Variants in TBX10 observed in about 807,000 individuals in gnomAD.
TBX10 encodes the protein T-box transcription factor TBX10.
Under a neutral mutation model 32.4 loss-of-function variants are expected in TBX10, and 26 were observed. The ratio of observed to expected loss-of-function variants is 0.80; its 90% confidence interval spans 0.59 to 1.11. The LOEUF (loss-of-function observed/expected upper bound fraction) is 1.11. TBX10 is among the 50% of genes most tolerant of loss of function. The pLI, the probability that TBX10 is intolerant of heterozygous loss-of-function variation, is 0.00. For synonymous variants in TBX10, 195 were observed against 203.1 expected, an observed-to-expected ratio of 0.96 and a Z score of 0.34; for missense variants, 490 against 494.5, an observed-to-expected ratio of 0.99 and a Z score of 0.09.
Position 67,631,907 on chromosome 11 carries a change from A to C in TBX10, c.869-13T>G, listed in dbSNP as rs1855242109. ...GCTTTGTTGGGGTCTGAGGGAGGAA[A>C]TGAGTGGACTCTGGGCCTCCCATCG... On this transcript the variant is annotated splice_polypyrimidine_tract_variant and intron_variant, in intron 7 of 7. Coordinates refer to ENST00000335385, the MANE Select transcript of TBX10 (RefSeq NM_005995.5). 6.4e-7 allele frequency: 1 copy of C among 1,561,788 alleles called. No homozygotes were observed. Among genetic ancestry groups the C allele is most frequent in the Non-Finnish European group, 8.7e-7 (1 of 1,151,812 alleles).
chr11:67,631,777 C>T lies in TBX10; in HGVS notation c.986G>A (p.Ser329Asn), dbSNP rs747494980. Residue 329 changes from serine to asparagine, a missense_variant, in exon 8 of 8, where the codon AGC becomes AAC. By Grantham distance (46) the Ser-to-Asn change is conservative (BLOSUM62 1). Coordinates refer to ENST00000335385, the MANE Select transcript of TBX10 (RefSeq NM_005995.5). ...GTGGCTCGGGGCTCCAGAGTACAGG[C>T]TCTGATACGTGACAGGCCTGTAGGT... Reference protein sequence around the residue: ...PATYRPVTYQSLYSGAPSHLG... With the variant: ...PATYRPVTYQNLYSGAPSHLG... 7.5e-6 allele frequency: 12 copies of T among 1,602,908 alleles called. No homozygotes were observed. Among genetic ancestry groups the T allele is most frequent in the Non-Finnish European group, 1.7e-6 (2 of 1,175,322 alleles).
intron 4 of TBX10, among the ~76,000 whole-genome samples, chr11:67,633,860 G>A (rs761773798): frequency 4.6e-5 from 7 of 152,326 alleles, no homozygotes; most frequent in African/African-American, 7.2e-5. Flanking sequence ...GGCAGGGATC[G>A]TTGGCTGTTT....
Position 67,633,017 on chromosome 11 carries a change from C to T in TBX10, c.636G>A (p.Gln212=), listed in dbSNP as rs1855261842. 1.2e-6 allele frequency: 2 copies of T among 1,614,204 alleles called. No homozygotes were observed. Among genetic ancestry groups the T allele is most frequent in the South Asian group, 2.2e-5 (2 of 91,092 alleles). ...TGAAGATGAAGGACTTGAAGTTCTC[C>T]TGGGCATAGCGCTCACTGTCCTTGC... ...DPRKDSERYA[Q]ENFKSFIFTE... The change falls in exon 5 of 8, where the codon CAG becomes CAA. Residue 212 remains glutamine, a synonymous_variant. Transcript: ENST00000335385.
chr11:67,640,885 T>A (rs1855395059), upstream of TBX10, among the ~76,000 whole-genome samples: 1 of 152,096 alleles, frequency 6.6e-6, no homozygotes, highest in African/African-American at 2.4e-5. Flanking sequence ...CATCTCAGCC[T>A]GCAGAGCTGG....
At chr11:67,636,521 AT>A (rs900182567) in intron 1 of TBX10, among the ~76,000 whole-genome samples, 1 of 67,354 alleles carries the variant, frequency 1.5e-5, no homozygotes, top group African/African-American at 3.1e-5. Flanking sequence ...TTATTTATTT[AT>A]TTTTTTCCAG....
chr11:67,633,058 C>G lies in TBX10; in HGVS notation c.595G>C (p.Val199Leu). 1 of 1,614,138 alleles carries G rather than the reference C, an allele frequency of 6.2e-7. No homozygotes were observed. Among genetic ancestry groups the G allele is most frequent in the Non-Finnish European group, 8.5e-7 (1 of 1,179,972 alleles). ...MHRYQPRFHV[V>L]FVDPRKDSER... ...CTGTCCTTGCGTGGGTCCACGAAGACCACGTGGAAACGGGGCTGGTAGCGG... is the reference window on the plus strand; with the variant it reads ...CTGTCCTTGCGTGGGTCCACGAAGAGCACGTGGAAACGGGGCTGGTAGCGG... The change falls in exon 5 of 8, where the codon GTC (valine) becomes CTC (leucine). Residue 199 changes from valine (V) to leucine (L), a missense_variant. Around this residue, in one of 3 missense-constraint regions of TBX10, gnomAD observed 307 missense variants for 294.9 expected, o/e 1.04. Coordinates refer to ENST00000335385, the MANE Select transcript of TBX10 (RefSeq NM_005995.5).
At chr11:67,639,327 C>T (rs1174111654) in intron 1 of TBX10, 139 bp downstream of exon 1, 12 of 1,272,036 alleles carry the variant, frequency 9.4e-6, no homozygotes, top group Non-Finnish European at 1.2e-5. Flanking sequence ...GATCTCAGAC[C>T]TTAGCCTGGG....
intron 4 of TBX10, among the ~76,000 whole-genome samples, chr11:67,633,978 C>T: frequency 6.6e-6 from 1 of 152,166 alleles, no homozygotes; most frequent in East Asian, 1.9e-4. Context: ...TATGCTGGAA[C>T]ATTCCCCCGC....
At position 67,631,332 on chromosome 11, in the gene TBX10, A is replaced by C; in HGVS notation, c.*273T>G. On this transcript the variant is annotated 3_prime_UTR_variant, in exon 8 of 8. Coordinates refer to ENST00000335385, the MANE Select transcript of TBX10 (RefSeq NM_005995.5). ...GCCAAATAGTTTAATGTTAGGGGGA[A>C]GGGAGAGGTAAGGCAGGGTTTTCGG... The C allele has an allele frequency of 1.9e-6, 1 of 517,518 alleles. No individual in the cohort carries two copies. The highest frequency in any genetic ancestry group is 3.5e-6 in the Non-Finnish European group (1 of 284,496). 32.1% of individuals were successfully genotyped at this position (517,518 alleles called of 1,614,324 possible).
upstream of TBX10, among the ~76,000 whole-genome samples, chr11:67,640,724 C>T (rs1264297119): frequency 2.0e-5 from 3 of 152,188 alleles, no homozygotes; most frequent in East Asian, 5.8e-4. Flanking sequence ...CTCCAGAATC[C>T]TGTCTTGGGG....
At chr11:67,633,244 G>C (rs1784662626) in intron 4 of TBX10, 141 bp from the exon 5 acceptor site, 1 of 1,098,928 alleles carries the variant, frequency 9.1e-7, no homozygotes, top group South Asian at 1.5e-5. Flanking sequence ...GGTCTGAGCT[G>C]GAGAGGCTGC....
At chr11:67,633,822 C>G (rs1029670292) in intron 4 of TBX10, among the ~76,000 whole-genome samples, 2 of 152,220 alleles carry the variant, frequency 1.3e-5, no homozygotes, top group Non-Finnish European at 2.9e-5. Context: ...TGGACCCTGC[C>G]TTTGCCCCAG....
At chr11:67,635,454 C>T (rs575422420) in intron 1 of TBX10, among the ~76,000 whole-genome samples, 191 bp from the exon 2 acceptor site, 1 of 152,346 alleles carries the variant, frequency 6.6e-6, no homozygotes, top group Non-Finnish European at 1.5e-5. Flanking sequence ...CCAGCAAGCT[C>T]CTTGACGGTA....
At chr11:67,634,952 C>T in intron 2 of TBX10, 35 bp from the exon 3 acceptor site, 4 of 1,613,134 alleles carry the variant, frequency 2.5e-6, no homozygotes, top group Non-Finnish European at 2.5e-6. Context: ...CCGGATGCGG[C>T]TCCAACCCTG....
At chr11:67,633,967 G>C (rs1855280249) in intron 4 of TBX10, among the ~76,000 whole-genome samples, 1 of 152,138 alleles carries the variant, frequency 6.6e-6, no homozygotes, top group African/African-American at 2.4e-5. Flanking sequence ...GGGGGACAAC[G>C]TATGCTGGAA....
chr11:67,631,522 G>T lies in TBX10; in HGVS notation c.*83C>A, dbSNP rs560683911. The T allele has an allele frequency of 6.7e-7, 1 of 1,501,538 alleles. No individual in the cohort carries two copies. Among genetic ancestry groups the T allele is most frequent in the Admixed American group, 2.0e-5 (1 of 51,150 alleles). The allele number at this position is 1,501,538 out of a possible 1,614,324, so 93.0% of individuals were successfully genotyped here. A position where few individuals can be genotyped will look rare whatever the true frequency, so the allele number is the denominator to read the frequency against. ...CTGCTCTCCTTGAGACAGAGATGGGGCTGGAGGGGGCGGGGCAGAGGCTGA... is the reference window on the plus strand; with the variant it reads ...CTGCTCTCCTTGAGACAGAGATGGGTCTGGAGGGGGCGGGGCAGAGGCTGA... On this transcript the variant is annotated 3_prime_UTR_variant, in exon 8 of 8. Transcript: ENST00000335385.
At chr11:67,640,957 C>G (rs1023195665), upstream of TBX10, among the ~76,000 whole-genome samples, 1 of 152,114 alleles carries the variant, frequency 6.6e-6, no homozygotes, top group African/African-American at 2.4e-5. Context: ...GAGGGCCGGC[C>G]CCTGGCCCAA....
chr11:67,632,913 G>A (rs1244905366), intron 5 of TBX10, 35 bp downstream of exon 5: 8 of 1,613,996 alleles, frequency 5.0e-6, no homozygotes, highest in Non-Finnish European at 6.8e-6. Context: ...TGTGAAATGG[G>A]CCTGCAGCGG....
chr11:67,635,773 GC>G (rs1453318339), intron 1 of TBX10, among the ~76,000 whole-genome samples: 2 of 152,038 alleles, frequency 1.3e-5, no homozygotes, highest in Non-Finnish European at 2.9e-5. Flanking sequence ...GCCAAGAAGA[GC>G]CCCCCATTCA....
Sources: allele counts gnomAD v4.1 joint callset (sites outside exome capture counted in the v4.1 genomes callset), GRCh38; gene constraint gnomAD v4.1.1; regional missense constraint gnomAD v4.1.1; transcripts MANE v1.5; gene names NCBI Gene and HGNC (gene_info 2026-07-23, HGNC 2026-07-21).